SLC1A1: variants seen among roughly 807,000 people sequenced by gnomAD.
The protein encoded by SLC1A1 is solute carrier family 1 member 1.
SLC1A1 carries 43 observed loss-of-function variants against 53.3 expected under a neutral mutation model. The ratio of observed to expected loss-of-function variants is 0.81; its 90% confidence interval spans 0.63 to 1.04. SLC1A1 has a LOEUF of 1.04. Among genes scored for constraint, SLC1A1 ranks in the 50% least tolerant of loss-of-function variants. The pLI is 0.00. For synonymous variants in SLC1A1, 307 were observed against 243.2 expected (o/e 1.26, Z -2.44); for missense variants, 748 against 664.9 (o/e 1.12, Z -1.37).
chr9:4,515,985 C>A (rs1339874016), intron 1 of SLC1A1, among the ~76,000 whole-genome samples: 1 of 152,192 alleles, frequency 6.6e-6, no homozygotes, highest in Non-Finnish European at 1.5e-5. Flanking sequence ...AGTTTCTCCT[C>A]TTCAACCACT....
chr9:4,550,640 C>T (rs1462922124), intron 2 of SLC1A1, among the ~76,000 whole-genome samples: 1 of 152,190 alleles, frequency 6.6e-6, no homozygotes, highest in African/African-American at 2.4e-5. Context: ...AGCCTCCCAC[C>T]TTGGCTTCCC....
rs375818510 is a variant in SLC1A1, at chr9:4,535,161, C to T, written c.92-9406C>T. Among the ~76,000 whole-genome samples the T allele has an allele frequency of 3.4e-4, 52 of 152,220 alleles. 1 individual carries two copies. In the East Asian group the frequency reaches 4.5e-3, roughly 13 times the overall value. On this transcript the variant is annotated intron_variant, in intron 1 of 11. Coordinates refer to ENST00000262352, the MANE Select transcript of SLC1A1 (RefSeq NM_004170.6). ...GAAAATTGGCACAAGACAGAGATGA[C>T]CTCTCTCACCACTCCTATTCAACAT...
intron 2 of SLC1A1, among the ~76,000 whole-genome samples, chr9:4,558,195 T>G (rs1311121055): frequency 6.6e-6 from 1 of 152,204 alleles, no homozygotes; most frequent in Admixed American, 6.5e-5. Flanking sequence ...GCTGTTTCCC[T>G]GTATCTGTTC....
rs35492632 is a variant in SLC1A1, at chr9:4,583,585, T to A, written c.1328+413T>A. Among the ~76,000 whole-genome samples, 10,338 of 152,214 alleles carry A rather than the reference T, an allele frequency of 0.068. 524 individuals are homozygous for A. The highest frequency in any genetic ancestry group is 0.11 in the Non-Finnish European group (7,439 of 67,994). On this transcript the variant is annotated intron_variant, in intron 11 of 11. Transcript: ENST00000262352. The surrounding 1 kb of genome is among the most constrained non-coding windows in gnomAD (Gnocchi z 4.6). ...GCATCTTCCGAACCATCAGGGACAG[T>A]GGCACAAGCACTTGGGTTTGAATCT... is the stretch of plus-strand genomic sequence containing the variant.
At chr9:4,498,555 G>C (rs1463329891) in intron 1 of SLC1A1, among the ~76,000 whole-genome samples, 1 of 151,776 alleles carries the variant, frequency 6.6e-6, no homozygotes, top group African/African-American at 2.4e-5. Context: ...AAAAAGCATA[G>C]TTATTCATAT....
intron 1 of SLC1A1, among the ~76,000 whole-genome samples, chr9:4,531,261 C>T (rs1217314593): frequency 2.0e-5 from 3 of 152,182 alleles, no homozygotes; most frequent in Non-Finnish European, 4.4e-5. Context: ...GGCGAGGCAT[C>T]GCCTCACCCG....
chr9:4,541,929 C>T (rs951311337), intron 1 of SLC1A1, among the ~76,000 whole-genome samples: 2 of 152,168 alleles, frequency 1.3e-5, no homozygotes, highest in Admixed American at 6.6e-5. Context: ...CCCTATGAGA[C>T]TCTGACCTCT....
At position 4,541,927 on chromosome 9, in the gene SLC1A1, G is replaced by A. The variant is rs140181032; in HGVS notation, c.92-2640G>A. Among the ~76,000 whole-genome samples the A allele has an allele frequency of 7.2e-5, 11 of 152,240 alleles. No homozygotes were observed. The East Asian group carries it at 2.1e-3, about 29-fold the overall frequency. On this transcript the variant is annotated intron_variant, in intron 1 of 11. Coordinates refer to ENST00000262352, the MANE Select transcript of SLC1A1 (RefSeq NM_004170.6). Reference sequence around the variant, plus strand: ...GGTAAAGAAAGGTTATGCCCTATGAGACTCTGACCTCTTCTTGGGACCTGG... The same window carrying A: ...GGTAAAGAAAGGTTATGCCCTATGAAACTCTGACCTCTTCTTGGGACCTGG...
chr9:4,494,552 G>GTAT (rs1478166017), intron 1 of SLC1A1, among the ~76,000 whole-genome samples: 3 of 151,838 alleles, frequency 2.0e-5, no homozygotes, highest in Admixed American at 6.6e-5. Context: ...TGTCCCTGTA[G>GTAT]TATTATTCAT....
At chr9:4,505,998 ATG>A (rs1295290560) in intron 1 of SLC1A1, among the ~76,000 whole-genome samples, 2 of 151,860 alleles carry the variant, frequency 1.3e-5, no homozygotes, top group African/African-American at 4.8e-5. Flanking sequence ...TAATTTTTGT[ATG>A]TTTTTAGTAG....
intron 1 of SLC1A1, among the ~76,000 whole-genome samples, chr9:4,510,346 C>T (rs921801300): frequency 1.3e-5 from 2 of 152,056 alleles, no homozygotes; most frequent in African/African-American, 2.4e-5. Flanking sequence ...ATGTGGCTGG[C>T]GGAGAAGGCA....
intron 1 of SLC1A1, among the ~76,000 whole-genome samples, chr9:4,525,817 A>G (rs1055754242): frequency 2.6e-5 from 4 of 152,170 alleles, no homozygotes; most frequent in Non-Finnish European, 5.9e-5. Flanking sequence ...GGGAATATAT[A>G]AAAACCCTCC....
Position 4,561,510 on chromosome 9 carries a change from T to G in SLC1A1, c.294T>G (p.Tyr98Ter). The change falls in exon 3 of 12, where the codon TAT becomes TAG. Residue 98 changes from tyrosine to a stop codon, truncating the protein, a stop_gained. Coordinates refer to ENST00000262352, the MANE Select transcript of SLC1A1 (RefSeq NM_004170.6). LOFTEE classifies it high-confidence loss of function. The part of the protein sequence containing the change: ...GKIGLRAVVY[Y>*]FCTTLIAVIL... The stretch of plus-strand genomic sequence containing the variant: ...TTGGTCTGCGCGCTGTCGTGTATTA[T>G]TTCTGTACCACTCTCATTGCTGTTA... The G allele has an allele frequency of 6.2e-7, 1 of 1,605,034 alleles. No individual in the cohort carries two copies. The highest frequency in any genetic ancestry group is 8.5e-7 in the Non-Finnish European group (1 of 1,171,800).
chr9:4,569,221 T>A (rs113420927), intron 6 of SLC1A1, among the ~76,000 whole-genome samples: 3 of 152,208 alleles, frequency 2.0e-5, no homozygotes. Flanking sequence ...TCTGCCCAGA[T>A]GTAATTCAGA....
rs146020489 is a variant in SLC1A1, at chr9:4,579,025, A to G, written c.1193+2262A>G. Among the ~76,000 whole-genome samples the G allele has an allele frequency of 5.3e-5, 8 of 152,368 alleles. No homozygotes were observed. In the East Asian group the frequency reaches 1.3e-3, roughly 26 times the overall value. The stretch of plus-strand genomic sequence containing the variant: ...TAAAATCAGAGTTTGTTAACTAACA[A>G]TGTTCTAATACAATGCATTTTTTAA... On this transcript the variant is annotated intron_variant, in intron 10 of 11. Coordinates refer to ENST00000262352, the MANE Select transcript of SLC1A1 (RefSeq NM_004170.6).
At chr9:4,506,017 G>A (rs1459097803) in intron 1 of SLC1A1, among the ~76,000 whole-genome samples, 1 of 152,102 alleles carries the variant, frequency 6.6e-6, no homozygotes, top group Non-Finnish European at 1.5e-5. Context: ...GTAGAGAGGG[G>A]GTTTCACCAT....
chr9:4,581,888 G>C (rs138238080), intron 10 of SLC1A1, among the ~76,000 whole-genome samples: 31 of 152,362 alleles, frequency 2.0e-4, no homozygotes, highest in African/African-American at 6.5e-4. Flanking sequence ...TCAGTAGGCA[G>C]ATGAATGGGC....
chr9:4,511,662 G>A (rs1386324791), intron 1 of SLC1A1, among the ~76,000 whole-genome samples: 1 of 151,518 alleles, frequency 6.6e-6, no homozygotes, highest in Non-Finnish European at 1.5e-5. Flanking sequence ...CTAAGAGCAG[G>A]AATAAGGCAA....
chr9:4,538,539 A>G (rs941577661), intron 1 of SLC1A1, among the ~76,000 whole-genome samples: 1 of 152,238 alleles, frequency 6.6e-6, no homozygotes, highest in Non-Finnish European at 1.5e-5. Flanking sequence ...GCAATATATA[A>G]GGAAAAATAG....
Sources: allele counts gnomAD v4.1 joint callset (sites outside exome capture counted in the v4.1 genomes callset), GRCh38; gene constraint gnomAD v4.1.1; non-coding constraint Gnocchi (gnomAD v3.1); transcripts MANE v1.5; gene names NCBI Gene and HGNC (gene_info 2026-07-23, HGNC 2026-07-21).